The following SLIT1 variants were observed in gnomAD, a reference collection of about 807,000 sequenced individuals.
SLIT1 encodes slit guidance ligand 1.
SLIT1 carries 66 observed loss-of-function variants against 186.1 expected under a neutral mutation model. That is an observed-to-expected ratio of 0.35 (90% CI 0.29 to 0.44). SLIT1 has a LOEUF of 0.44. Among genes scored for constraint, SLIT1 ranks in the 20% least tolerant of loss-of-function variants. SLIT1 has a pLI of 1.00. For missense variants in SLIT1, 1,638 were observed against 2,037.4 expected, an observed-to-expected ratio of 0.80 and a Z score of 3.77; for synonymous variants, 761 against 833.8, an observed-to-expected ratio of 0.91 and a Z score of 1.50.
At chr10:97,084,628 CAG>C (rs1245962446) in intron 4 of SLIT1, among the ~76,000 whole-genome samples, 1 of 149,502 alleles carries the variant, frequency 6.7e-6, no homozygotes, top group Admixed American at 6.7e-5. Flanking sequence ...TCTTGTGAGA[CAG>C]AGTCTTGCTC....
chr10:97,059,600 CT>C (rs2134636121), intron 10 of SLIT1, 69 bp from the exon 11 acceptor site: 1 of 1,152,604 alleles, frequency 8.7e-7, no homozygotes, highest in Non-Finnish European at 1.3e-6. Context: ...GCCCAGTCCC[CT>C]CCACCTCCTA....
chr10:97,013,997 A>G (rs201661348), intron 29 of SLIT1, 22 bp downstream of exon 29: 1 of 1,611,106 alleles, frequency 6.2e-7, no homozygotes, highest in East Asian at 2.2e-5. Flanking sequence ...TCCCCCAGAC[A>G]CTGCTGCCCT....
intron 25 of SLIT1, among the ~76,000 whole-genome samples, chr10:97,027,946 C>G (rs1236650333): frequency 6.6e-6 from 1 of 152,122 alleles, no homozygotes; most frequent in African/African-American, 2.4e-5. Context: ...AAAATGTAGA[C>G]TAGATGCTGA....
At chr10:97,030,972 C>T (rs1051132459) in intron 24 of SLIT1, 144 bp from the exon 25 acceptor site, 23 of 688,062 alleles carry the variant, frequency 3.3e-5, no homozygotes, top group Non-Finnish European at 6.0e-5. Context: ...AGGAGATGGC[C>T]CCTAGCTCAG....
chr10:97,006,036 T>A lies in SLIT1; in HGVS notation c.3579+447A>T, dbSNP rs138310592. ...GAATTGCTTTATTTTCCCCTCAACA[T>A]GAAGATGTTCTGAGATGGAACTGAA... On this transcript the variant is annotated intron_variant, in intron 32 of 36. Coordinates refer to ENST00000266058, the MANE Select transcript of SLIT1 (RefSeq NM_003061.3). The surrounding 1 kb of genome is among the most constrained non-coding windows in gnomAD (Gnocchi z 4.0). Among the ~76,000 whole-genome samples the A allele has an allele frequency of 2.9e-4, 44 of 152,286 alleles. No individual in the cohort carries two copies. The highest frequency in any genetic ancestry group is 1.2e-3 in the Admixed American group (18 of 15,302).
chr10:97,144,720 C>G lies in SLIT1; in HGVS notation c.413+13098G>C, dbSNP rs145235143. On this transcript the variant is annotated intron_variant, in intron 4 of 36. Transcript: ENST00000266058. ...AGGATGAAGCGGGAGCCAGCAACCC[C>G]CCAGCCAAAACCAACTTGTGAGAAC... Among the ~76,000 whole-genome samples the G allele has an allele frequency of 1.1e-3, 167 of 152,312 alleles. 1 individual carries two copies. In the East Asian group the frequency reaches 0.023, roughly 21 times the overall value.
intron 4 of SLIT1, among the ~76,000 whole-genome samples, chr10:97,109,617 C>T (rs750404544): frequency 6.6e-6 from 1 of 152,096 alleles, no homozygotes; most frequent in Non-Finnish European, 1.5e-5. Context: ...AGGGATGAAA[C>T]GATGGAGTTT....
intron 4 of SLIT1, among the ~76,000 whole-genome samples, chr10:97,131,465 C>T (rs1227603915): frequency 2.6e-5 from 4 of 152,242 alleles, no homozygotes; most frequent in Non-Finnish European, 4.4e-5. Context: ...AGGCCCATGC[C>T]TCTGCCAGCC....
Position 97,048,008 on chromosome 10 carries a change from A to C in SLIT1, c.1466-12T>G. On this transcript the variant is annotated splice_polypyrimidine_tract_variant and intron_variant, in intron 14 of 36. Coordinates refer to ENST00000266058, the MANE Select transcript of SLIT1 (RefSeq NM_003061.3). ...GTACTGCTCTTTGGCTGGGAAGAGAAGCAGAAATACCATAATGCAGGAATC... is the reference window on the plus strand; with the variant it reads ...GTACTGCTCTTTGGCTGGGAAGAGACGCAGAAATACCATAATGCAGGAATC... The C allele has an allele frequency of 6.2e-7, 1 of 1,614,092 alleles. No homozygotes were observed. Among genetic ancestry groups the C allele is most frequent in the Non-Finnish European group, 8.5e-7 (1 of 1,179,962 alleles).
At chr10:97,127,401 A>C (rs984232705) in intron 4 of SLIT1, among the ~76,000 whole-genome samples, 2 of 152,248 alleles carry the variant, frequency 1.3e-5, no homozygotes, top group African/African-American at 4.8e-5. Flanking sequence ...GGGCTCTTCC[A>C]GCCCTATGCT....
chr10:97,045,914 CTATT>C (rs938229590), intron 18 of SLIT1, among the ~76,000 whole-genome samples: 1 of 152,202 alleles, frequency 6.6e-6, no homozygotes, highest in East Asian at 1.9e-4. Context: ...CCACATGTAG[CTATT>C]TAGATTTAAA....
intron 4 of SLIT1, among the ~76,000 whole-genome samples, chr10:97,104,436 G>A (rs1303769719): frequency 6.6e-6 from 1 of 152,076 alleles, no homozygotes; most frequent in Non-Finnish European, 1.5e-5. Flanking sequence ...ATGCACGTAA[G>A]GCAGTAGGAA....
intron 4 of SLIT1, among the ~76,000 whole-genome samples, chr10:97,142,267 C>G (rs1849774056): frequency 6.6e-6 from 1 of 152,054 alleles, no homozygotes; most frequent in East Asian, 1.9e-4. Context: ...GAATGTGGTA[C>G]TGGCATAAAG....
chr10:97,063,814 C>A (rs1423318672), intron 7 of SLIT1, among the ~76,000 whole-genome samples, 196 bp from the exon 8 acceptor site: 2 of 152,166 alleles, frequency 1.3e-5, no homozygotes, highest in East Asian at 3.9e-4. Flanking sequence ...TGCTGCCCCT[C>A]CCCTCCCACA....
intron 4 of SLIT1, among the ~76,000 whole-genome samples, chr10:97,113,133 A>G (rs1173867846): frequency 2.0e-5 from 3 of 152,244 alleles, no homozygotes; most frequent in African/African-American, 7.2e-5. Context: ...AATCATCTAC[A>G]AAGATGCATT....
intron 1 of SLIT1, 69 bp from the exon 2 acceptor site, chr10:97,164,959 C>G: frequency 8.3e-7 from 1 of 1,200,050 alleles, no homozygotes; most frequent in Non-Finnish European, 1.2e-6. Context: ...GGGCCCTGCT[C>G]CAGGTGCCCT....
intron 20 of SLIT1, among the ~76,000 whole-genome samples, chr10:97,042,260 C>T (rs541332298): frequency 1.1e-3 from 168 of 152,096 alleles, no homozygotes; most frequent in African/African-American, 4.0e-3. Context: ...CACCCAGAAG[C>T]GGAGAAGGGG....
At position 97,068,489 on chromosome 10, in the gene SLIT1, A is replaced by T. The variant is rs1848971954; in HGVS notation, c.414-2403T>A. 6.6e-6 allele frequency among the ~76,000 whole-genome samples: 1 copy of T among 151,988 alleles called. No homozygotes were observed. The highest frequency in any genetic ancestry group is 2.4e-5 in the African/African-American group (1 of 41,368). On this transcript the variant is annotated intron_variant, in intron 4 of 36. Transcript: ENST00000266058. This position sits in a 1 kb window ranked among gnomAD's most constrained non-coding sequence, Gnocchi z 4.2. Reference sequence around the variant, plus strand: ...AAAAGCAGCCAGGCACCCGTGTCTGAAGGGGCCTTGGCACCATCAGTGCCC... The same window carrying T: ...AAAAGCAGCCAGGCACCCGTGTCTGTAGGGGCCTTGGCACCATCAGTGCCC...
At chr10:97,099,826 T>C (rs1291701755) in intron 4 of SLIT1, among the ~76,000 whole-genome samples, 1 of 152,144 alleles carries the variant, frequency 6.6e-6, no homozygotes, top group African/African-American at 2.4e-5. Context: ...AAATGGAATT[T>C]ATACATGAAA....
Sources: gnomAD v4.1 joint callset for allele counts (sites outside exome capture counted in the v4.1 genomes callset) on GRCh38, gnomAD v4.1.1 for gene constraint, Gnocchi (gnomAD v3.1) non-coding constraint, MANE v1.5 for transcripts, NCBI Gene and HGNC (gene_info 2026-07-23, HGNC 2026-07-21) for gene names.